ZNF570: variants seen among roughly 807,000 people sequenced by gnomAD.
The protein encoded by ZNF570 is zinc finger protein 570.
A neutral mutation model predicts 14.2 loss-of-function variants in ZNF570; 8 were observed. That is an observed-to-expected ratio of 0.56 (90% CI 0.33 to 1.02). The LOEUF (loss-of-function observed/expected upper bound fraction) is 1.02. Among genes scored for constraint, ZNF570 ranks in the 50% least tolerant of loss-of-function variants. The pLI is 0.03. For synonymous variants in ZNF570, 202 were observed against 207.6 expected, an observed-to-expected ratio of 0.97 and a Z score of 0.23; for missense variants, 559 against 624.9, an observed-to-expected ratio of 0.89 and a Z score of 1.12.
At position 37,485,346 on chromosome 19, in the gene ZNF570, C is replaced by T; in HGVS notation, c.*113C>T. On this transcript the variant is annotated 3_prime_UTR_variant, in exon 5 of 5. Transcript: ENST00000330173. ...TAATATAGCTTTCAAACAGGTTTTC[C>T]TGTATTTATTTTTGCTACCTTTAAA... The T allele has an allele frequency of 9.0e-7, 1 of 1,111,474 alleles. No individual in the cohort carries two copies. Among genetic ancestry groups the T allele is most frequent in the Non-Finnish European group, 1.2e-6 (1 of 825,158 alleles). 68.9% of individuals were successfully genotyped at this position (1,111,474 alleles called of 1,614,324 possible). A position where few individuals can be genotyped will look rare whatever the true frequency, so the allele number is the denominator to read the frequency against.
rs2042179546 is a variant in ZNF570, at chr19:37,488,540, C to A, written c.*3307C>A. The A allele has an allele frequency of 6.6e-6, 1 of 152,072 alleles. No individual in the cohort carries two copies. Among genetic ancestry groups the A allele is most frequent in the Non-Finnish European group, 1.5e-5 (1 of 68,016 alleles). The allele number at this position is 152,072 out of a possible 1,614,324, so 9.4% of individuals were successfully genotyped here. A position where few individuals can be genotyped will look rare whatever the true frequency, so the allele number is the denominator to read the frequency against. ...TAAAAATAAGCAAATACTGTATAGCCAATTCTTAAAATTTGATAAAGCTGG... is the reference window on the plus strand; with the variant it reads ...TAAAAATAAGCAAATACTGTATAGCAAATTCTTAAAATTTGATAAAGCTGG... On this transcript the variant is annotated 3_prime_UTR_variant, in exon 5 of 5. Coordinates refer to ENST00000330173, the MANE Select transcript of ZNF570 (RefSeq NM_144694.5).
upstream of ZNF570, chr19:37,467,784 C>T (rs2041873015): frequency 6.9e-6 from 8 of 1,156,416 alleles, no homozygotes; most frequent in Non-Finnish European, 1.0e-5. Context: ...GAGACCCTGT[C>T]CAGTGACATC....
intron 4 of ZNF570, among the ~76,000 whole-genome samples, chr19:37,482,698 G>A (rs1052509348): frequency 2.0e-5 from 3 of 152,076 alleles, no homozygotes; most frequent in Non-Finnish European, 4.4e-5. Flanking sequence ...ATGTGTTGAG[G>A]GAGGGACCTG....
chr19:37,476,562 G>A, intron 4 of ZNF570, 128 bp downstream of exon 4: 1 of 1,318,060 alleles, frequency 7.6e-7, no homozygotes, highest in Non-Finnish European at 9.8e-7. Flanking sequence ...AAAAATTTGG[G>A]GCCATTTAGG....
chr19:37,488,649 A>G lies in ZNF570; in HGVS notation c.*3416A>G, dbSNP rs1250194582. The G allele has an allele frequency of 1.3e-5, 2 of 151,934 alleles. No individual in the cohort carries two copies. Among genetic ancestry groups the G allele is most frequent in the Non-Finnish European group, 2.9e-5 (2 of 67,958 alleles). The allele number at this position is 151,934 out of a possible 1,614,324, so 9.4% of individuals were successfully genotyped here. On this transcript the variant is annotated 3_prime_UTR_variant, in exon 5 of 5. Coordinates refer to ENST00000330173, the MANE Select transcript of ZNF570 (RefSeq NM_144694.5). ...ATGCAAAAAAATAAAGAATATTTAA[A>G]TGATGTTTGCTTCTATCAGTTCTTT...
chr19:37,472,157 G>A (rs944798219), intron 2 of ZNF570, among the ~76,000 whole-genome samples: 7 of 151,920 alleles, frequency 4.6e-5, no homozygotes, highest in East Asian at 1.9e-4. Context: ...CGCCTGCCTC[G>A]GCCTACCAAA....
chr19:37,482,539 C>T (rs953307379), intron 4 of ZNF570, among the ~76,000 whole-genome samples: 1 of 152,180 alleles, frequency 6.6e-6, no homozygotes. Context: ...GTGAGGACTC[C>T]ACCCCCACGA....
At chr19:37,477,498 C>A (rs1051189966) in intron 4 of ZNF570, among the ~76,000 whole-genome samples, 1 of 151,586 alleles carries the variant, frequency 6.6e-6, no homozygotes, top group Non-Finnish European at 1.5e-5. Context: ...CACCACCACG[C>A]CTGGCTAATT....
upstream of ZNF570, chr19:37,469,309 G>C: frequency 7.1e-7 from 1 of 1,417,162 alleles, no homozygotes; most frequent in Non-Finnish European, 9.2e-7. Context: ...CGCGGGAGTT[G>C]GGCCGGCGGC....
intron 2 of ZNF570, among the ~76,000 whole-genome samples, chr19:37,470,695 CTTTTTTTTTTT>C (rs760686313): frequency 1.1e-5 from 1 of 93,010 alleles, no homozygotes; most frequent in African/African-American, 4.2e-5. Flanking sequence ...CTTATTTATT[CTTTTTTTTTTT>C]TTTTTTTTTT....
Position 37,483,999 on chromosome 19 carries a change from G to C in ZNF570, c.377G>C (p.Arg126Thr). 2 of 1,614,056 alleles carry C rather than the reference G, an allele frequency of 1.2e-6. No homozygotes were observed. The highest frequency in any genetic ancestry group is 2.7e-5 in the African/African-American group (2 of 75,050). Reference sequence around the variant, plus strand: ...TATAACCTTGAATACTCCAGTTTGAGAGAAGAGTGGAAATGTGAGGGCTAT... The same window carrying C: ...TATAACCTTGAATACTCCAGTTTGACAGAAGAGTGGAAATGTGAGGGCTAT... ...TSYNLEYSSL[R>T]EEWKCEGYFE... Residue 126 changes from arginine to threonine, a missense_variant, in exon 5 of 5, where the codon AGA becomes ACA. By Grantham distance (71) the Arg-to-Thr change is moderately conservative (BLOSUM62 -1). Coordinates refer to ENST00000330173, the MANE Select transcript of ZNF570 (RefSeq NM_144694.5).
rs200212056 is a variant in ZNF570 at position 37,484,127 on chromosome 19, G to A, written c.505G>A (p.Gly169Arg). ...GAGAGAACAAGAATATAAATCTTGG[G>A]GAAGTTTTCATCAGAACCCACTGCT... is the stretch of plus-strand genomic sequence containing the variant. ...DEREQEYKSW[G>R]SFHQNPLLCT... Residue 169 changes from glycine (G) to arginine (R), a missense_variant, in exon 5 of 5, where the codon GGA (glycine) becomes AGA (arginine). Gly to Arg is a moderately radical substitution (Grantham distance 125, BLOSUM62 -2). Transcript: ENST00000330173. The A allele has an allele frequency of 6.8e-6, 11 of 1,613,918 alleles. No individual in the cohort carries two copies. The African/African-American group carries it at 1.2e-4, about 18-fold the overall frequency.
intron 2 of ZNF570, among the ~76,000 whole-genome samples, chr19:37,470,680 A>G (rs113099871): frequency 2.0e-5 from 3 of 148,934 alleles, no homozygotes; most frequent in East Asian, 2.0e-4. Context: ...TGTGGTGAGT[A>G]CATTCTTATT....
Position 37,485,039 on chromosome 19 carries a change from A to T in ZNF570, c.1417A>T (p.Thr473Ser). The change falls in exon 5 of 5, where the codon ACT becomes TCT. Residue 473 changes from threonine (T) to serine (S), a missense_variant. By Grantham distance (58) the Thr-to-Ser change is moderately conservative. Transcript: ENST00000330173. ...VHTGEKPYEC[T>S]VCGKAFSYCG... Reference sequence around the variant, plus strand: ...TACTGGAGAGAAACCTTATGAATGTACTGTTTGTGGAAAGGCTTTTAGTTA... The same window carrying T: ...TACTGGAGAGAAACCTTATGAATGTTCTGTTTGTGGAAAGGCTTTTAGTTA... 6.2e-7 allele frequency: 1 copy of T among 1,614,094 alleles called. No homozygotes were observed. The highest frequency in any genetic ancestry group is 8.5e-7 in the Non-Finnish European group (1 of 1,180,022).
Position 37,485,483 on chromosome 19 carries a change from C to T in ZNF570, c.*250C>T. The T allele has an allele frequency of 2.8e-6, 1 of 355,878 alleles. No individual in the cohort carries two copies. Among genetic ancestry groups the T allele is most frequent in the Middle Eastern group, 7.8e-4 (1 of 1,274 alleles). 22.0% of individuals were successfully genotyped at this position (355,878 alleles called of 1,614,324 possible). Reference sequence around the variant, plus strand: ...AGTACAGTGGGACGATCTCAGCTCACTGCAACCTCTGACTCCCAGCCTCTG... The same window carrying T: ...AGTACAGTGGGACGATCTCAGCTCATTGCAACCTCTGACTCCCAGCCTCTG... On this transcript the variant is annotated 3_prime_UTR_variant, in exon 5 of 5. Transcript: ENST00000330173.
chr19:37,469,068 A>T, upstream of ZNF570: 1 of 1,006,310 alleles, frequency 9.9e-7, no homozygotes, highest in Non-Finnish European at 1.2e-6. Context: ...GCGCACTTCC[A>T]CACCAGCCCG....
intron 4 of ZNF570, among the ~76,000 whole-genome samples, chr19:37,479,963 A>G: frequency 6.6e-6 from 1 of 152,120 alleles, no homozygotes; most frequent in East Asian, 1.9e-4. Flanking sequence ...TGGTCAGTTA[A>G]ATTTTTTGGT....
At chr19:37,468,696 CGG>C (rs963615464), upstream of ZNF570, among the ~76,000 whole-genome samples, 1 of 152,026 alleles carries the variant, frequency 6.6e-6, no homozygotes, top group African/African-American at 2.4e-5. Flanking sequence ...TTAGTAGAGA[CGG>C]GGTTTCACCA....
At chr19:37,475,836 G>A in intron 2 of ZNF570, 45 bp from the exon 3 acceptor site, 1 of 1,576,832 alleles carries the variant, frequency 6.3e-7, no homozygotes, top group Non-Finnish European at 8.6e-7. Context: ...AGGAAATGAG[G>A]TGAATATGGT....
Sources: gnomAD v4.1 joint callset for allele counts (sites outside exome capture counted in the v4.1 genomes callset) on GRCh38, gnomAD v4.1.1 for gene constraint, MANE v1.5 for transcripts, NCBI Gene and HGNC (gene_info 2026-07-23, HGNC 2026-07-21) for gene names.